The following PHIP variants were observed in gnomAD, a reference collection of about 807,000 sequenced individuals.
PHIP encodes PH-interacting protein.
PHIP carries 54 observed loss-of-function variants against 236.8 expected under a neutral mutation model. The ratio of observed to expected loss-of-function variants is 0.23; its 90% confidence interval spans 0.18 to 0.29. The LOEUF (loss-of-function observed/expected upper bound fraction) is 0.29, where lower values mean the gene tolerates loss of function less well. Ranked by LOEUF, PHIP falls within the 10% of genes least tolerant of loss-of-function variation. The probability of loss-of-function intolerance (pLI) is 1.00; values close to 1 mark genes in which losing one functional copy is unlikely to be tolerated. For missense variants in PHIP, 1,370 were observed against 2,190.8 expected (o/e 0.63, Z 7.48); for synonymous variants, 756 against 718.9 (o/e 1.05, Z -0.83).
intron 4 of PHIP, among the ~76,000 whole-genome samples, chr6:79,076,452 A>C (rs1235611486): frequency 1.3e-5 from 2 of 152,200 alleles, no homozygotes; most frequent in African/African-American, 4.8e-5. Flanking sequence ...CACACAACGA[A>C]CCTGTATCAG....
intron 35 of PHIP, among the ~76,000 whole-genome samples, chr6:78,952,441 GAAAAAAAAA>G (rs1337922667): frequency 8.3e-6 from 1 of 120,880 alleles, no homozygotes; most frequent in Non-Finnish European, 1.8e-5. Context: ...AAAAAAAAAA[GAAAAAAAAA>G]AAGGAAAAAA....
In PHIP at chr6:79,024,530, C is replaced by T. The variant is rs183700288; in HGVS notation, c.923+989G>A. ...TAAAAGATATGGTATAGAGGCTGGG[C>T]ACGGTGGCTCATGCCTGTAATCCCA... On this transcript the variant is annotated intron_variant, in intron 9 of 39. Transcript: ENST00000275034. Among the ~76,000 whole-genome samples, 97 of 152,262 alleles carry T rather than the reference C, an allele frequency of 6.4e-4. 1 individual carries two copies. In the South Asian group the frequency reaches 8.1e-3, roughly 13 times the overall value.
intron 4 of PHIP, among the ~76,000 whole-genome samples, chr6:79,075,728 T>C (rs1488250775): frequency 6.6e-6 from 1 of 151,956 alleles, no homozygotes; most frequent in Non-Finnish European, 1.5e-5. Flanking sequence ...ATTTAAAAAA[T>C]GTAACATTAC....
intron 6 of PHIP, among the ~76,000 whole-genome samples, chr6:79,048,514 C>A (rs1231857152): frequency 6.6e-6 from 1 of 151,970 alleles, no homozygotes; most frequent in Non-Finnish European, 1.5e-5. Context: ...AATGTTTAGA[C>A]TTTTTTCTCC....
At chr6:79,052,394 G>A (rs1772838210) in intron 6 of PHIP, among the ~76,000 whole-genome samples, 1 of 152,194 alleles carries the variant, frequency 6.6e-6, no homozygotes, top group Non-Finnish European at 1.5e-5. Context: ...GAAAGGGCAA[G>A]TGTCAAGAGA....
At chr6:78,972,276 C>T (rs909981867) in intron 24 of PHIP, among the ~76,000 whole-genome samples, 1 of 152,176 alleles carries the variant, frequency 6.6e-6, no homozygotes, top group African/African-American at 2.4e-5. Context: ...ACACTGACAC[C>T]TCACACTGCA....
intron 15 of PHIP, among the ~76,000 whole-genome samples, chr6:79,010,209 T>C (rs1157543709): frequency 6.6e-6 from 1 of 151,748 alleles, no homozygotes; most frequent in Non-Finnish European, 1.5e-5. Flanking sequence ...AGCTTCTCTT[T>C]CTCCCTTTCC....
chr6:79,010,295 T>C (rs983630648), intron 15 of PHIP, among the ~76,000 whole-genome samples: 1 of 151,980 alleles, frequency 6.6e-6, no homozygotes, highest in South Asian at 2.1e-4. Flanking sequence ...AGAAGAAGTA[T>C]GCATGTACAA....
chr6:79,033,282 T>G (rs1771762748), intron 7 of PHIP, among the ~76,000 whole-genome samples: 1 of 152,142 alleles, frequency 6.6e-6, no homozygotes, highest in East Asian at 1.9e-4. Context: ...AACAAAAGAG[T>G]CAGCCTGCTT....
At chr6:78,969,990 A>G (rs529563512) in intron 26 of PHIP, 59 bp downstream of exon 26, 81 of 1,597,110 alleles carry the variant, frequency 5.1e-5, no homozygotes, top group Non-Finnish European at 6.7e-5. Flanking sequence ...AATGTATCTG[A>G]ATCTTGAAAA....
intron 35 of PHIP, among the ~76,000 whole-genome samples, chr6:78,949,939 T>C (rs537241581): frequency 9.2e-5 from 14 of 152,272 alleles, no homozygotes; most frequent in South Asian, 6.2e-4. Context: ...TCCACCTACC[T>C]TGGCCTCCCA....
At chr6:78,981,752 TTTTC>T (rs899694750) in intron 23 of PHIP, among the ~76,000 whole-genome samples, 19 of 151,940 alleles carry the variant, frequency 1.3e-4, no homozygotes, top group African/African-American at 4.6e-4. Context: ...GCTAAATCAG[TTTTC>T]TTTAACCAAT....
intron 24 of PHIP, among the ~76,000 whole-genome samples, chr6:78,974,017 C>T (rs1238540124): frequency 6.6e-6 from 1 of 152,168 alleles, no homozygotes; most frequent in African/African-American, 2.4e-5. Context: ...AGCTCTGCAC[C>T]AAGCAGACCT....
At chr6:78,998,536 T>TA (rs1038643422) in intron 17 of PHIP, 145 bp from the exon 18 acceptor site, 8,677 of 468,410 alleles carry the variant, frequency 0.019, 30 homozygotes, top group African/African-American at 0.037. Flanking sequence ...TGATGGGAGT[T>TA]AAAAAAAAAA....
chr6:78,970,333 G>A (rs1019744287), intron 25 of PHIP, among the ~76,000 whole-genome samples, 160 bp from the exon 26 acceptor site: 2 of 151,952 alleles, frequency 1.3e-5, no homozygotes, highest in Non-Finnish European at 2.9e-5. Context: ...TAAGATTTGT[G>A]CACTTTATAG....
intron 24 of PHIP, among the ~76,000 whole-genome samples, chr6:78,974,623 C>A (rs36128361): frequency 6.6e-6 from 1 of 151,746 alleles, no homozygotes; most frequent in Non-Finnish European, 1.5e-5. Context: ...ATCGATAGAC[C>A]GCCAGCAAGA....
At position 78,934,452 on chromosome 6, in the gene PHIP, CAT is replaced by C. The variant is rs529435687; in HGVS notation, c.*6239_*6240del. 3.1e-3 allele frequency among the ~76,000 whole-genome samples: 475 copies of C among 152,306 alleles called. 3 individuals are homozygous for C. The highest frequency in any genetic ancestry group is 0.011 in the African/African-American group (441 of 41,568). ...GCCTGTACTTCTTTTTATTAGTAAA[CAT>C]GTACTTTTAAAGCAATTCACAATTT... On this transcript the variant is annotated 3_prime_UTR_variant, in exon 40 of 40. Transcript: ENST00000275034.
At chr6:79,048,667 T>C (rs1018824913) in intron 6 of PHIP, among the ~76,000 whole-genome samples, 1 of 152,210 alleles carries the variant, frequency 6.6e-6, no homozygotes, top group Non-Finnish European at 1.5e-5. Flanking sequence ...CAAAGGTTAG[T>C]GTTTTTTGTT....
intron 6 of PHIP, among the ~76,000 whole-genome samples, chr6:79,044,630 T>C (rs892064867): frequency 1.3e-5 from 2 of 152,134 alleles, no homozygotes; most frequent in African/African-American, 2.4e-5. Flanking sequence ...AAAACATTGA[T>C]AGTATTACCA....
Sources: allele counts gnomAD v4.1 joint callset (sites outside exome capture counted in the v4.1 genomes callset), GRCh38; gene constraint gnomAD v4.1.1; transcripts MANE v1.5; gene names NCBI Gene and HGNC (gene_info 2026-07-23, HGNC 2026-07-21).